Variants in DPY19L1 observed in about 807,000 individuals in gnomAD.
The protein encoded by DPY19L1 is protein C-mannosyl-transferase DPY19L1.
In DPY19L1, 35 loss-of-function variants were observed where a neutral mutation model predicts 96.9. That is an observed-to-expected ratio of 0.36 (90% CI 0.28 to 0.48). The LOEUF is 0.48. Ranked by LOEUF, DPY19L1 falls within the 20% of genes least tolerant of loss-of-function variation. The probability of loss-of-function intolerance (pLI) is 0.99; values close to 1 mark genes in which losing one functional copy is unlikely to be tolerated. For synonymous variants in DPY19L1, 205 were observed against 252.6 expected, an observed-to-expected ratio of 0.81 and a Z score of 1.79; for missense variants, 521 against 777.9, an observed-to-expected ratio of 0.67 and a Z score of 3.93.
At chr7:35,009,947 A>C (rs1234678199) in intron 6 of DPY19L1, among the ~76,000 whole-genome samples, 1 of 152,146 alleles carries the variant, frequency 6.6e-6, no homozygotes, top group Admixed American at 6.6e-5. Flanking sequence ...TTCAAAATTT[A>C]TGCCAGGCAC....
chr7:35,000,557 CATGT>C (rs376677632), intron 6 of DPY19L1: 1 of 152,144 alleles, frequency 6.6e-6, no homozygotes, highest in African/African-American at 2.4e-5. Context: ...TATAAAATTA[CATGT>C]ATGACAGCTA....
intron 6 of DPY19L1, among the ~76,000 whole-genome samples, chr7:35,009,284 C>G (rs1268124011): frequency 3.3e-5 from 5 of 152,162 alleles, no homozygotes; most frequent in Non-Finnish European, 5.9e-5. Flanking sequence ...AATTCAAACT[C>G]ATTATCCCAA....
chr7:34,970,978 C>T (rs1211167789), intron 8 of DPY19L1, among the ~76,000 whole-genome samples: 2 of 152,120 alleles, frequency 1.3e-5, no homozygotes, highest in East Asian at 1.9e-4. Flanking sequence ...AAACATACCA[C>T]TAACCTTATT....
At chr7:35,015,111 T>A (rs1473393096) in intron 3 of DPY19L1, among the ~76,000 whole-genome samples, 1 of 152,220 alleles carries the variant, frequency 6.6e-6, no homozygotes, top group African/African-American at 2.4e-5. Context: ...TTGTTGCACT[T>A]CTTTATGACA....
chr7:34,996,095 A>T (rs1163456269), intron 6 of DPY19L1, among the ~76,000 whole-genome samples: 4 of 152,214 alleles, frequency 2.6e-5, no homozygotes, highest in Non-Finnish European at 4.4e-5. Context: ...TTCTAACTGA[A>T]GTTATTTACT....
intron 8 of DPY19L1, among the ~76,000 whole-genome samples, chr7:34,973,241 A>C (rs1210118001): frequency 1.3e-5 from 2 of 151,814 alleles, no homozygotes; most frequent in Non-Finnish European, 2.9e-5. Flanking sequence ...TAACAGAAGA[A>C]GACTTGAGAA....
intron 7 of DPY19L1, among the ~76,000 whole-genome samples, chr7:34,975,209 G>A (rs2021372): frequency 0.2 from 29,861 of 152,158 alleles, 3,307 homozygotes; most frequent in Admixed American, 0.35. Flanking sequence ...GTCAAAAGCC[G>A]AGAGAGGCCA....
chr7:35,014,462 C>T (rs184205327), intron 3 of DPY19L1, among the ~76,000 whole-genome samples: 45 of 152,084 alleles, frequency 3.0e-4, no homozygotes, highest in Non-Finnish European at 5.9e-4. Flanking sequence ...TGAGGGAAGA[C>T]AGAAACACAA....
At chr7:35,017,334 A>T (rs1365052901) in intron 3 of DPY19L1, among the ~76,000 whole-genome samples, 3 of 151,204 alleles carry the variant, frequency 2.0e-5, no homozygotes, top group Non-Finnish European at 4.4e-5. Context: ...TCTACTAAAA[A>T]AATACAAAAA....
intron 10 of DPY19L1, among the ~76,000 whole-genome samples, chr7:34,962,560 G>A (rs1380316075): frequency 6.6e-6 from 1 of 152,158 alleles, no homozygotes; most frequent in African/African-American, 2.4e-5. Context: ...GGCCGATTGT[G>A]GTGGCTCACA....
chr7:34,986,876 G>A (rs1244712816), intron 7 of DPY19L1, among the ~76,000 whole-genome samples: 2 of 151,910 alleles, frequency 1.3e-5, no homozygotes, highest in Non-Finnish European at 2.9e-5. Flanking sequence ...TTTTTAAAAT[G>A]TATTTATTTT....
At chr7:34,980,225 A>G (rs1225112435) in intron 7 of DPY19L1, among the ~76,000 whole-genome samples, 1 of 152,136 alleles carries the variant, frequency 6.6e-6, no homozygotes, top group Non-Finnish European at 1.5e-5. Context: ...GGAGGAAGGA[A>G]TCTGGAACCT....
At chr7:34,948,237 T>C (rs1424673326) in intron 14 of DPY19L1, among the ~76,000 whole-genome samples, 1 of 152,170 alleles carries the variant, frequency 6.6e-6, no homozygotes, top group East Asian at 1.9e-4. Context: ...CTCTCAATTA[T>C]CTCTCCACCC....
At chr7:35,027,526 G>A (rs1786152964) in intron 1 of DPY19L1, among the ~76,000 whole-genome samples, 1 of 151,958 alleles carries the variant, frequency 6.6e-6, no homozygotes, top group African/African-American at 2.4e-5. Flanking sequence ...AAGCAAGATT[G>A]CTTTTAAAAT....
chr7:34,934,635 G>A (rs1783827981), intron 21 of DPY19L1, among the ~76,000 whole-genome samples: 1 of 152,106 alleles, frequency 6.6e-6, no homozygotes, highest in South Asian at 2.1e-4. Flanking sequence ...TGGAGGGTGG[G>A]GGCGATGGTT....
chr7:34,937,707 G>C (rs1783900093), intron 21 of DPY19L1, among the ~76,000 whole-genome samples: 2 of 152,178 alleles, frequency 1.3e-5, no homozygotes, highest in Non-Finnish European at 2.9e-5. Flanking sequence ...GCCAAGGCAG[G>C]AGTAGCACTT....
At chr7:34,983,633 C>G (rs1784986917) in intron 7 of DPY19L1, among the ~76,000 whole-genome samples, 1 of 150,644 alleles carries the variant, frequency 6.6e-6, no homozygotes, top group Non-Finnish European at 1.5e-5. Flanking sequence ...CCGCCAACTC[C>G]TATACATGGC....
chr7:35,022,823 T>G (rs1225284459), intron 1 of DPY19L1, among the ~76,000 whole-genome samples: 1 of 152,188 alleles, frequency 6.6e-6, no homozygotes, highest in Admixed American at 6.5e-5. Flanking sequence ...AGCCCCCATT[T>G]ACTTTGTGCA....
In DPY19L1 at chr7:35,013,392, C is replaced by T. The variant is rs556480739; in HGVS notation, c.549+176G>A. Among the ~76,000 whole-genome samples, 8 of 152,276 alleles carry T rather than the reference C, an allele frequency of 5.3e-5. 1 individual carries two copies. In the South Asian group the frequency reaches 1.2e-3, roughly 24 times the overall value. ...AACAGTTCCCCACAGAATTAAAGCC[C>T]TCTCCTCAAAATCAGTAATGATCTT... On this transcript the variant is annotated intron_variant, in intron 4 of 21. Coordinates refer to ENST00000638088, the MANE Select transcript of DPY19L1 (RefSeq NM_001366673.1).
Sources: gnomAD v4.1 joint callset for allele counts (sites outside exome capture counted in the v4.1 genomes callset) on GRCh38, gnomAD v4.1.1 for gene constraint, MANE v1.5 for transcripts, NCBI Gene and HGNC (gene_info 2026-07-23, HGNC 2026-07-21) for gene names.